The following NRG1 variants were observed in gnomAD, a reference collection of about 807,000 sequenced individuals.
The protein encoded by NRG1 is pro-neuregulin-1, membrane-bound isoform.
Under a neutral mutation model 63.8 loss-of-function variants are expected in NRG1, and 18 were observed. The ratio of observed to expected loss-of-function variants is 0.28; its 90% CI spans 0.19 to 0.42. The LOEUF is 0.42. Among genes scored for constraint, NRG1 ranks in the 10% least tolerant of loss-of-function variants. The pLI is 1.00. For synonymous variants in NRG1, 302 were observed against 301.3 expected, an observed-to-expected ratio of 1.00 and a Z score of -0.02; for missense variants, 762 against 814.7, an observed-to-expected ratio of 0.94 and a Z score of 0.79.
In NRG1 at chr8:31,640,092, G is replaced by A. The variant is rs367543153; in HGVS notation, c.37+661G>A. On this transcript the variant is annotated intron_variant, in intron 1 of 10. Coordinates refer to the NRG1 transcript ENST00000519301. This position sits in a 1 kb window ranked among gnomAD's most constrained non-coding sequence, Gnocchi z 6.3. ...CGCCGCTGCCGCTGCTGCCACTACT[G>A]CTGCTGCTGGGGACCGCGGCCCTGG... The A allele has an allele frequency of 7.2e-5, 82 of 1,134,736 alleles. 1 individual carries two copies. The African/African-American group carries it at 1.2e-3, about 16-fold the overall frequency. The allele number at this position is 1,134,736 out of a possible 1,614,324, so 70.3% of individuals were successfully genotyped here.
chr8:32,644,086 T>A (rs531588666), intron 5 of NRG1, among the ~76,000 whole-genome samples: 81 of 149,778 alleles, frequency 5.4e-4, no homozygotes, highest in Admixed American at 2.0e-3. Context: ...AAAAAAAAAA[T>A]TTAAGATAAA....
chr8:32,162,838 A>C (rs985482525), intron 1 of NRG1, among the ~76,000 whole-genome samples: 44 of 152,258 alleles, frequency 2.9e-4, no homozygotes, highest in African/African-American at 1.0e-3. Flanking sequence ...AATTACTCCC[A>C]CCTGCTGGGT....
chr8:32,546,988 T>C (rs984500362), upstream of NRG1, among the ~76,000 whole-genome samples: 1 of 152,080 alleles, frequency 6.6e-6, no homozygotes, highest in Non-Finnish European at 1.5e-5. Context: ...CCCCAGAAAA[T>C]GGAAAACCAA....
At chr8:32,446,911 A>G (rs1820316587) in intron 1 of NRG1, among the ~76,000 whole-genome samples, 1 of 152,218 alleles carries the variant, frequency 6.6e-6, no homozygotes. Context: ...CCTCAGCACT[A>G]TTCAGTAAAA....
Position 32,384,656 on chromosome 8 carries a change from A to T in NRG1, c.38-211172A>T, listed in dbSNP as rs1286034550. On this transcript the variant is annotated intron_variant, in intron 1 of 10. Transcript: ENST00000519301. ...ATGAAGATGTCTTTTGGAAGGGAAAAATAAAAATTACAGATTCCCATGTAA... is the reference window on the plus strand; with the variant it reads ...ATGAAGATGTCTTTTGGAAGGGAAATATAAAAATTACAGATTCCCATGTAA... 2.0e-5 allele frequency among the ~76,000 whole-genome samples: 3 copies of T among 152,236 alleles called. No homozygotes were observed. The East Asian group carries it at 5.8e-4, about 29-fold the overall frequency.
intron 1 of NRG1, among the ~76,000 whole-genome samples, chr8:32,367,148 A>G (rs554807264): frequency 1.3e-5 from 2 of 152,148 alleles, no homozygotes; most frequent in Non-Finnish European, 2.9e-5. Context: ...CTTTGGGTAA[A>G]TATGTCATGG....
intron 1 of NRG1, among the ~76,000 whole-genome samples, chr8:32,210,832 C>A (rs181167113): frequency 6.6e-6 from 1 of 152,234 alleles, no homozygotes; most frequent in East Asian, 1.9e-4. Context: ...ACAGTAGCAG[C>A]CCAGGACAAA....
intron 5 of NRG1, among the ~76,000 whole-genome samples, chr8:32,664,314 C>T (rs565462228): frequency 6.6e-6 from 1 of 150,576 alleles, no homozygotes; most frequent in South Asian, 2.1e-4. Flanking sequence ...AAAAAAAAAC[C>T]AAAAAGGAAT....
chr8:32,233,516 T>A (rs1419050678), intron 1 of NRG1, among the ~76,000 whole-genome samples: 1 of 144,880 alleles, frequency 6.9e-6, no homozygotes, highest in Non-Finnish European at 1.5e-5. Flanking sequence ...AGTGACACAC[T>A]GTTGCTCATA....
At chr8:32,509,167 A>G (rs766696100) in intron 1 of NRG1, among the ~76,000 whole-genome samples, 36 of 151,904 alleles carry the variant, frequency 2.4e-4, no homozygotes, top group Admixed American at 5.9e-4. Flanking sequence ...CAGTGGTGCA[A>G]TCATGACTCA....
intron 5 of NRG1, among the ~76,000 whole-genome samples, chr8:32,665,157 G>A (rs1803823780): frequency 6.6e-6 from 1 of 152,018 alleles, no homozygotes; most frequent in Non-Finnish European, 1.5e-5. Flanking sequence ...GGTAATTTAT[G>A]TACTAAGATT....
At chr8:32,101,343 C>T (rs1037874038) in intron 1 of NRG1, among the ~76,000 whole-genome samples, 2 of 152,058 alleles carry the variant, frequency 1.3e-5, no homozygotes, top group Admixed American at 1.3e-4. Flanking sequence ...ACTCCTTATG[C>T]CTTGCATGCA....
At chr8:32,600,671 T>C (rs923173001) in intron 2 of NRG1, among the ~76,000 whole-genome samples, 5 of 152,178 alleles carry the variant, frequency 3.3e-5, no homozygotes, top group African/African-American at 1.2e-4. Context: ...AAGTAATGCA[T>C]GCTTATTATG....
chr8:31,664,890 A>G (rs188041990), intron 1 of NRG1, among the ~76,000 whole-genome samples: 2 of 152,228 alleles, frequency 1.3e-5, no homozygotes, highest in Non-Finnish European at 2.9e-5. Context: ...GTGGGCTTGT[A>G]ATCTAAATGT....
At chr8:32,257,865 G>T (rs867050984) in intron 1 of NRG1, among the ~76,000 whole-genome samples, 3 of 151,978 alleles carry the variant, frequency 2.0e-5, no homozygotes, top group Non-Finnish European at 4.4e-5. Context: ...TAATGTTTAG[G>T]GTCATTTAAA....
At chr8:31,969,398 T>C (rs557853660) in intron 1 of NRG1, among the ~76,000 whole-genome samples, 1 of 152,344 alleles carries the variant, frequency 6.6e-6, no homozygotes, top group South Asian at 2.1e-4. Flanking sequence ...TTTATTGATG[T>C]AAGCCATTTC....
At chr8:32,257,185 G>A (rs982047792) in intron 1 of NRG1, among the ~76,000 whole-genome samples, 4 of 152,144 alleles carry the variant, frequency 2.6e-5, no homozygotes, top group African/African-American at 9.7e-5. Flanking sequence ...TGCTGGCAGC[G>A]AGAATTTCAA....
At chr8:32,338,063 A>T (rs959118516) in intron 1 of NRG1, among the ~76,000 whole-genome samples, 1 of 152,224 alleles carries the variant, frequency 6.6e-6, no homozygotes, top group Admixed American at 6.5e-5. Context: ...CTTGGCCTTA[A>T]GGCATCAAAT....
At chr8:32,374,702 A>T (rs557215364) in intron 1 of NRG1, among the ~76,000 whole-genome samples, 2 of 152,288 alleles carry the variant, frequency 1.3e-5, no homozygotes, top group African/African-American at 4.8e-5. Context: ...CAGTAATCCT[A>T]CTGAGAGAAC....
Sources: gnomAD v4.1 joint callset for allele counts (sites outside exome capture counted in the v4.1 genomes callset) on GRCh38, gnomAD v4.1.1 for gene constraint, Gnocchi (gnomAD v3.1) non-coding constraint, MANE v1.5 for transcripts, NCBI Gene and HGNC (gene_info 2026-07-23, HGNC 2026-07-21) for gene names.